The following BCL2L11 variants were observed in gnomAD, a reference collection of about 807,000 sequenced individuals.
The protein encoded by BCL2L11 is BCL2 like 11.
Under a neutral mutation model 20.6 loss-of-function variants are expected in BCL2L11, and 15 were observed. That is an observed-to-expected ratio of 0.73 (90% CI 0.49 to 1.12). The LOEUF (loss-of-function observed/expected upper bound fraction) is 1.12, where lower values mean the gene tolerates loss of function less well. Ranked by LOEUF, BCL2L11 falls within the 50% of genes most tolerant of loss-of-function variation. BCL2L11 has a pLI of 0.00. For synonymous variants in BCL2L11, 108 were observed against 92.8 expected, an observed-to-expected ratio of 1.16 and a Z score of -0.94; for missense variants, 292 against 260.9, an observed-to-expected ratio of 1.12 and a Z score of -0.82.
Position 111,151,308 on chromosome 2 carries a change from T to C in BCL2L11, c.498+1161T>C, listed in dbSNP as rs1032536759. ...AGGGTACACTAGCAAATGTGTGATA[T>C]AGTGTATTTACTTGTTCACAGAGTT... On this transcript the variant is annotated intron_variant, in intron 3 of 3. Coordinates refer to ENST00000393256, the MANE Select transcript of BCL2L11 (RefSeq NM_138621.5). Among the ~76,000 whole-genome samples, 10 of 152,232 alleles carry C rather than the reference T, an allele frequency of 6.6e-5. No individual in the cohort carries two copies. In the East Asian group the frequency reaches 1.9e-3, roughly 29 times the overall value.
intron 1 of BCL2L11, 197 bp from the exon 2 acceptor site, chr2:111,123,536 G>T (rs964837511): frequency 3.0e-6 from 3 of 984,630 alleles, no homozygotes; most frequent in African/African-American, 3.5e-5. Context: ...TTGTTTGGGG[G>T]TACCCTCTAC....
chr2:111,145,752 T>C (rs1288656867), intron 2 of BCL2L11, among the ~76,000 whole-genome samples: 1 of 152,128 alleles, frequency 6.6e-6, no homozygotes, highest in East Asian at 1.9e-4. Flanking sequence ...CCTCCAAAAA[T>C]GGATTAAGAA....
chr2:111,140,719 A>G (rs1189243927), intron 2 of BCL2L11, among the ~76,000 whole-genome samples: 1 of 152,262 alleles, frequency 6.6e-6, no homozygotes, highest in Non-Finnish European at 1.5e-5. Context: ...GTTAGTATAT[A>G]TGTGAGTTTA....
chr2:111,135,544 TG>T (rs143202015), intron 2 of BCL2L11, among the ~76,000 whole-genome samples: 49 of 151,580 alleles, frequency 3.2e-4, no homozygotes, highest in African/African-American at 1.1e-3. Flanking sequence ...CCACCAGGGG[TG>T]GGGGGGTCAG....
intron 3 of BCL2L11, among the ~76,000 whole-genome samples, chr2:111,159,402 T>C (rs2078288483): frequency 6.6e-6 from 1 of 152,180 alleles, no homozygotes; most frequent in Non-Finnish European, 1.5e-5. Context: ...TTATTTCATT[T>C]AGTGGTGGCC....
intron 3 of BCL2L11, among the ~76,000 whole-genome samples, chr2:111,151,092 T>A (rs2150509882): frequency 6.6e-6 from 1 of 152,262 alleles, no homozygotes; most frequent in African/African-American, 2.4e-5. Flanking sequence ...TTAGTTGAGA[T>A]GGGGTTTCAC....
rs3827537 is a variant in BCL2L11 at position 111,153,474 on chromosome 2, A to T, written c.498+3327A>T. On this transcript the variant is annotated intron_variant, in intron 3 of 3. Coordinates refer to ENST00000393256, the MANE Select transcript of BCL2L11 (RefSeq NM_138621.5). ...CCGTCTTGATACTTGTTAGATTAAAAACAGTCCATTGTCTGGAATCACACT... is the reference window on the plus strand; with the variant it reads ...CCGTCTTGATACTTGTTAGATTAAATACAGTCCATTGTCTGGAATCACACT... Among the ~76,000 whole-genome samples the T allele has an allele frequency of 4.4e-3, 663 of 152,306 alleles. 44 individuals are homozygous for T. The East Asian group carries it at 0.11, about 26-fold the overall frequency.
rs757046249 is a variant in BCL2L11 at position 111,150,130 on chromosome 2, G to A, written c.481G>A (p.Ala161Thr). 7 of 1,613,638 alleles carry A rather than the reference G, an allele frequency of 4.3e-6. No homozygotes were observed. Among genetic ancestry groups the A allele is most frequent in the Middle Eastern group, 1.7e-4 (1 of 6,060 alleles). The change falls in exon 3 of 4, where the codon GCT becomes ACT. Residue 161 changes from alanine (A) to threonine (T), a missense_variant. Coordinates refer to ENST00000393256, the MANE Select transcript of BCL2L11 (RefSeq NM_138621.5). ...ELRRIGDEFN[A>T]YYARRVFLNN... Reference sequence around the variant, plus strand: ...GCGGCGTATTGGAGACGAGTTTAACGCTTACTATGCAAGGAGGGTAATGAT... The same window carrying A: ...GCGGCGTATTGGAGACGAGTTTAACACTTACTATGCAAGGAGGGTAATGAT...
intron 2 of BCL2L11, among the ~76,000 whole-genome samples, chr2:111,143,714 A>T (rs769712309): frequency 3.9e-5 from 6 of 152,068 alleles, no homozygotes; most frequent in African/African-American, 1.2e-4. Flanking sequence ...TCAGCTGGGG[A>T]TGTCCTTGAG....
At chr2:111,138,673 T>C (rs2150381368) in intron 2 of BCL2L11, among the ~76,000 whole-genome samples, 1 of 152,308 alleles carries the variant, frequency 6.6e-6, no homozygotes, top group South Asian at 2.1e-4. Flanking sequence ...AACATCTCCA[T>C]CGGACAGGAT....
rs550860639 is a variant in BCL2L11 at position 111,123,137 on chromosome 2, G to T, written c.-13-596G>T. 49 of 984,724 alleles carry T rather than the reference G, an allele frequency of 5.0e-5. 1 individual carries two copies. In the South Asian group the frequency reaches 2.0e-3, roughly 40 times the overall value. 61.0% of individuals were successfully genotyped at this position (984,724 alleles called of 1,614,324 possible). Reference sequence around the variant, plus strand: ...TGATTCGGTGCGGCGTGCGGTACGGGAGCGGGAGGGAGGGAGCACGGGCGG... The same window carrying T: ...TGATTCGGTGCGGCGTGCGGTACGGTAGCGGGAGGGAGGGAGCACGGGCGG... On this transcript the variant is annotated intron_variant, in intron 1 of 3. Transcript: ENST00000393256.
At position 111,157,805 on chromosome 2, in the gene BCL2L11, T is replaced by G. The variant is rs41323245; in HGVS notation, c.499-6328T>G. ...GGTTTATGCAAATGTAGTTTTTATC[T>G]GACTTCTGAAGACCACATTGTCACC... On this transcript the variant is annotated intron_variant, in intron 3 of 3. Transcript: ENST00000393256. Among the ~76,000 whole-genome samples the G allele has an allele frequency of 8.3e-3, 1,260 of 152,356 alleles. 17 individuals carry two copies. Among genetic ancestry groups the G allele is most frequent in the African/African-American group, 0.029 (1,209 of 41,572 alleles).
chr2:111,152,023 A>G (rs2077316752), intron 3 of BCL2L11: 2 of 778,138 alleles, frequency 2.6e-6, no homozygotes, highest in African/African-American at 1.7e-5. Flanking sequence ...GGCTGTCTCT[A>G]TTGACTAGGA....
chr2:111,151,540 G>A (rs1172899222), intron 3 of BCL2L11, among the ~76,000 whole-genome samples: 2 of 151,638 alleles, frequency 1.3e-5, no homozygotes, highest in African/African-American at 4.8e-5. Flanking sequence ...GGTCATGCTT[G>A]GTTAATTGTT....
chr2:111,154,970 A>G (rs1051736945), intron 3 of BCL2L11, among the ~76,000 whole-genome samples: 1 of 152,240 alleles, frequency 6.6e-6, no homozygotes, highest in African/African-American at 2.4e-5. Context: ...TGTGAAGGTC[A>G]CGGAGCTCTT....
chr2:111,136,985 C>G (rs893547995), intron 2 of BCL2L11, among the ~76,000 whole-genome samples: 25 of 152,172 alleles, frequency 1.6e-4, no homozygotes, highest in African/African-American at 5.6e-4. Flanking sequence ...ATTGCTGTAA[C>G]TCCACTGTGT....
chr2:111,123,646 T>C, intron 1 of BCL2L11, 87 bp from the exon 2 acceptor site: 1 of 1,272,938 alleles, frequency 7.9e-7, no homozygotes, highest in Non-Finnish European at 1.0e-6. Flanking sequence ...ACCCTAAGAA[T>C]TTTTAATCGC....
intron 3 of BCL2L11, chr2:111,161,493 G>A (rs1575216689): frequency 1.3e-6 from 2 of 1,550,124 alleles, no homozygotes; most frequent in East Asian, 4.9e-5. Flanking sequence ...GGCCAGCTCT[G>A]CAGACAGCAG....
chr2:111,141,443 T>A (rs1381301561), intron 2 of BCL2L11, among the ~76,000 whole-genome samples: 22 of 146,262 alleles, frequency 1.5e-4, no homozygotes, highest in South Asian at 6.5e-4. Context: ...ATATTCTCAC[T>A]CATAGGTGGG....
Sources: gnomAD v4.1 joint callset for allele counts (sites outside exome capture counted in the v4.1 genomes callset) on GRCh38, gnomAD v4.1.1 for gene constraint, MANE v1.5 for transcripts, NCBI Gene and HGNC (gene_info 2026-07-23, HGNC 2026-07-21) for gene names.